MTA3: variants seen among roughly 807,000 people sequenced by gnomAD.
MTA3 encodes metastasis-associated protein MTA3.
In MTA3, 34 loss-of-function variants were observed where a neutral mutation model predicts 83.5. The ratio of observed to expected loss-of-function variants is 0.41; its 90% confidence interval spans 0.31 to 0.54. The LOEUF (loss-of-function observed/expected upper bound fraction) is 0.54. Among genes scored for constraint, MTA3 ranks in the 20% least tolerant of loss-of-function variants. MTA3 has a pLI of 0.33. For missense variants in MTA3, 761 were observed against 726.4 expected (o/e 1.05, Z -0.55); for synonymous variants, 303 against 252.7 (o/e 1.20, Z -1.89).
Position 42,554,555 on chromosome 2 carries a change from C to G in MTA3, c.-140-15882C>G, listed in dbSNP as rs80018252. 8.6e-3 allele frequency among the ~76,000 whole-genome samples: 1,313 copies of G among 152,222 alleles called. 12 individuals are homozygous for G. Among genetic ancestry groups the G allele is most frequent in the African/African-American group, 0.027 (1,131 of 41,538 alleles). On this transcript the variant is annotated intron_variant, in intron 2 of 17. Transcript: ENST00000405592. The stretch of plus-strand genomic sequence containing the variant: ...CTGAGAAAAAGCACATCCCTGGGGG[C>G]CAGGGATAGTGACTGCTGTTGAGAT...
intron 16 of MTA3, 146 bp from the exon 17 acceptor site, chr2:42,753,228 C>G: frequency 7.0e-7 from 1 of 1,431,324 alleles, no homozygotes; most frequent in Non-Finnish European, 9.4e-7. Context: ...CACACCTGGC[C>G]TAGTCATGAG....
At position 42,707,908 on chromosome 2, in the gene MTA3, C is replaced by T; in HGVS notation, c.1156C>T (p.Gln386Ter). The T allele has an allele frequency of 6.4e-7, 1 of 1,562,150 alleles. No individual in the cohort carries two copies. The highest frequency in any genetic ancestry group is 2.1e-5 in the Admixed American group (1 of 47,090). ...GRACESCYAT[Q>*]SHQWYSWGPP... is the part of the protein sequence containing the mutation. The stretch of plus-strand genomic sequence containing the variant: ...TTATTTTTCTTCTGCTTTAGCTACA[C>T]AGTCTCACCAGTGGTATTCTTGGGG... The change falls in exon 13 of 17, where the codon CAG (glutamine) becomes TAG (stop). Residue 386 changes from glutamine (Q) to a stop codon, truncating the protein, a stop_gained. Coordinates refer to ENST00000405094, the MANE Select transcript of MTA3 (RefSeq NM_001330442.2). LOFTEE classifies it high-confidence loss of function.
At chr2:42,737,918 A>G (rs945887131) in intron 16 of MTA3, among the ~76,000 whole-genome samples, 8 of 152,220 alleles carry the variant, frequency 5.3e-5, no homozygotes, top group Non-Finnish European at 1.0e-4. Flanking sequence ...CAATAAAGCT[A>G]ATATCACAAT....
chr2:42,609,582 C>T lies in MTA3; in HGVS notation c.315C>T (p.Ile105=), dbSNP rs1257521090. Reference sequence around the variant, plus strand: ...ATGAATCTCTGCCCGCAACACATATCAGGTAAGAACTTTTTAGGAACTAAG... The same window carrying T: ...ATGAATCTCTGCCCGCAACACATATTAGGTAAGAACTTTTTAGGAACTAAG... ...RQYESLPATH[I]RGKCSVALLN... The change falls in exon 4 of 17, where the codon ATC becomes ATT. Residue 105 remains isoleucine, a splice_region_variant and synonymous_variant. Coordinates refer to ENST00000405094, the MANE Select transcript of MTA3 (RefSeq NM_001330442.2). 1 of 1,612,972 alleles carries T rather than the reference C, an allele frequency of 6.2e-7. No homozygotes were observed. The highest frequency in any genetic ancestry group is 8.5e-7 in the Non-Finnish European group (1 of 1,179,480).
At chr2:42,608,554 G>T (rs958060882) in intron 3 of MTA3, among the ~76,000 whole-genome samples, 4 of 152,154 alleles carry the variant, frequency 2.6e-5, no homozygotes, top group Non-Finnish European at 5.9e-5. Flanking sequence ...TATTCATAAA[G>T]AACTACTTCA....
intron 2 of MTA3, among the ~76,000 whole-genome samples, chr2:42,517,864 C>A (rs1293407736): frequency 5.6e-3 from 527 of 94,722 alleles, no homozygotes; most frequent in Middle Eastern, 7.0e-3. Flanking sequence ...GACTCTGTCT[C>A]AAAAAAAAAA....
intron 4 of MTA3, chr2:42,614,060 G>C (rs1278241727): frequency 1.3e-5 from 2 of 152,134 alleles, no homozygotes; most frequent in African/African-American, 4.8e-5. Flanking sequence ...ACTATATTCA[G>C]TTCCAATATG....
intron 16 of MTA3, among the ~76,000 whole-genome samples, chr2:42,724,450 G>C (rs1667672746): frequency 6.6e-6 from 1 of 151,908 alleles, no homozygotes; most frequent in South Asian, 2.1e-4. Context: ...AGGAATTCGA[G>C]ACCAGCCTGG....
intron 2 of MTA3, among the ~76,000 whole-genome samples, chr2:42,559,146 C>G (rs1163248837): frequency 6.6e-6 from 1 of 152,152 alleles, no homozygotes; most frequent in Non-Finnish European, 1.5e-5. Context: ...TTCCAGAGCC[C>G]AGATCCAGTT....
At chr2:42,514,249 A>G (rs1416193011) in intron 2 of MTA3, among the ~76,000 whole-genome samples, 1 of 152,252 alleles carries the variant, frequency 6.6e-6, no homozygotes, top group African/African-American at 2.4e-5. Flanking sequence ...CAAGTCTGCA[A>G]TATGAAAACT....
chr2:42,524,957 CTTT>C (rs540854902), intron 2 of MTA3, among the ~76,000 whole-genome samples: 4 of 141,048 alleles, frequency 2.8e-5, no homozygotes, highest in Non-Finnish European at 1.5e-5. Flanking sequence ...CTGTGGGTCT[CTTT>C]TTTTTTTTTT....
chr2:42,499,258 C>T (rs993533398), intron 2 of MTA3, among the ~76,000 whole-genome samples: 6 of 151,546 alleles, frequency 4.0e-5, no homozygotes, highest in Admixed American at 3.9e-4. Flanking sequence ...ACCTCCGCCT[C>T]CCAGGTTCAA....
In MTA3 at chr2:42,496,700, G is replaced by A. The variant is rs1024461891; in HGVS notation, c.-141+1446G>A. ...AGAGATGTGGCTGTAACTAGCCCGA[G>A]CATTCCCAGCAGCAGCATCCTGGCA... On this transcript the variant is annotated intron_variant, in intron 2 of 17. Coordinates refer to the MTA3 transcript ENST00000405592. Among the ~76,000 whole-genome samples, 4 of 151,678 alleles carry A rather than the reference G, an allele frequency of 2.6e-5. No homozygotes were observed. In the East Asian group the frequency reaches 7.8e-4, roughly 29 times the overall value.
chr2:42,544,788 G>A (rs1386390747), intron 2 of MTA3, among the ~76,000 whole-genome samples: 1 of 152,130 alleles, frequency 6.6e-6, no homozygotes, highest in African/African-American at 2.4e-5. Context: ...GAAGAATGAG[G>A]AGGATGCAAA....
intron 6 of MTA3, among the ~76,000 whole-genome samples, chr2:42,652,162 G>A (rs1195391431): frequency 6.6e-6 from 1 of 152,186 alleles, no homozygotes; most frequent in African/African-American, 2.4e-5. Flanking sequence ...AGGTTGCATG[G>A]CTGCCTTGTT....
At chr2:42,660,559 A>G (rs1469761782) in intron 8 of MTA3, among the ~76,000 whole-genome samples, 1 of 152,186 alleles carries the variant, frequency 6.6e-6, no homozygotes, top group Admixed American at 6.5e-5. Context: ...TCTGCACTCC[A>G]GAAAAGTGGA....
intron 11 of MTA3, among the ~76,000 whole-genome samples, chr2:42,699,228 G>A (rs1012250178): frequency 6.6e-6 from 1 of 152,038 alleles, no homozygotes; most frequent in African/African-American, 2.4e-5. Context: ...GTGAGATGAG[G>A]TCTTGCTCTG....
intron 4 of MTA3, among the ~76,000 whole-genome samples, chr2:42,616,250 A>G (rs1390291160): frequency 1.3e-5 from 2 of 152,010 alleles, no homozygotes; most frequent in Admixed American, 6.6e-5. Context: ...TTTAGTTGAG[A>G]CGGGGTTTCA....
intron 3 of MTA3, among the ~76,000 whole-genome samples, chr2:42,594,392 A>G (rs1681435387): frequency 6.7e-6 from 1 of 148,666 alleles, no homozygotes; most frequent in Non-Finnish European, 1.5e-5. Flanking sequence ...GTGCACCACC[A>G]TGCCCGGCTA....
Sources: allele counts gnomAD v4.1 joint callset (sites outside exome capture counted in the v4.1 genomes callset), GRCh38; gene constraint gnomAD v4.1.1; transcripts MANE v1.5; gene names NCBI Gene and HGNC (gene_info 2026-07-23, HGNC 2026-07-21).